Variants in CR1L observed in about 807,000 individuals in gnomAD.
CR1L encodes the protein complement component receptor 1-like protein.
A neutral mutation model predicts 62.3 loss-of-function variants in CR1L; 59 were observed. The observed-to-expected ratio is 0.95, with a 90% CI of 0.77 to 1.18. CR1L has a LOEUF of 1.18. Ranked by LOEUF, CR1L falls within the 50% of genes most tolerant of loss-of-function variation. The pLI is 0.00. For synonymous variants in CR1L, 279 were observed against 248.7 expected, an observed-to-expected ratio of 1.12 and a Z score of -1.15; for missense variants, 700 against 702.8, an observed-to-expected ratio of 1.00 and a Z score of 0.04.
chr1:207,685,431 T>G (rs914964417), intron 4 of CR1L, among the ~76,000 whole-genome samples: 1 of 152,252 alleles, frequency 6.6e-6, no homozygotes, highest in East Asian at 1.9e-4. Flanking sequence ...AAATCTCTTA[T>G]GCTTATACAA....
At chr1:207,708,362 A>G in intron 10 of CR1L, 99 bp downstream of exon 10, 1 of 1,445,244 alleles carries the variant, frequency 6.9e-7, no homozygotes, top group South Asian at 1.2e-5. Flanking sequence ...TGGAAATGGT[A>G]TCCTTCTGAT....
chr1:207,649,076 CT>C (rs1157281814), intron 1 of CR1L, among the ~76,000 whole-genome samples: 2 of 152,214 alleles, frequency 1.3e-5, no homozygotes, highest in South Asian at 4.2e-4. Context: ...TGATAATTAC[CT>C]GAGAGATCCA....
chr1:207,680,192 C>T (rs1444197810), intron 3 of CR1L, among the ~76,000 whole-genome samples: 1 of 152,164 alleles, frequency 6.6e-6, no homozygotes, highest in Non-Finnish European at 1.5e-5. Context: ...ATAGGGGAGG[C>T]TATCCATGTA....
chr1:207,700,017 AAAT>A (rs1664167174), intron 8 of CR1L, among the ~76,000 whole-genome samples: 1 of 152,188 alleles, frequency 6.6e-6, no homozygotes, highest in Admixed American at 6.5e-5. Flanking sequence ...AGAGATTCAT[AAAT>A]AATAAGTCAT....
chr1:207,702,512 G>A (rs1352059492), intron 9 of CR1L, among the ~76,000 whole-genome samples: 1 of 152,226 alleles, frequency 6.6e-6, no homozygotes, highest in Non-Finnish European at 1.5e-5. Flanking sequence ...TATGTTGAAA[G>A]CCAAGACAGG....
At chr1:207,680,174 TG>T (rs757108489) in intron 3 of CR1L, among the ~76,000 whole-genome samples, 2 of 152,224 alleles carry the variant, frequency 1.3e-5, no homozygotes, top group Non-Finnish European at 2.9e-5. Context: ...TGGTGAAAGA[TG>T]TTTATAATAG....
At chr1:207,717,756 C>T in intron 11 of CR1L, 65 bp downstream of exon 11, 1 of 1,560,376 alleles carries the variant, frequency 6.4e-7, no homozygotes, top group Non-Finnish European at 8.8e-7. Context: ...CTTCATATTT[C>T]TATAGTGACA....
chr1:207,672,583 A>C (rs1424986257), intron 1 of CR1L, among the ~76,000 whole-genome samples: 1 of 152,110 alleles, frequency 6.6e-6, no homozygotes, highest in Non-Finnish European at 1.5e-5. Context: ...TATAATTGAC[A>C]TATACAGACG....
intron 1 of CR1L, among the ~76,000 whole-genome samples, chr1:207,672,350 A>G (rs1663626926): frequency 6.7e-6 from 1 of 150,372 alleles, no homozygotes; most frequent in African/African-American, 2.5e-5. Flanking sequence ...TCTAATATGT[A>G]TCCATCTGAC....
At chr1:207,662,038 T>G (rs1050905750) in intron 1 of CR1L, among the ~76,000 whole-genome samples, 1 of 152,236 alleles carries the variant, frequency 6.6e-6, no homozygotes, top group Admixed American at 6.5e-5. Context: ...TGGGCGTCCC[T>G]TTGTGGGTAA....
At chr1:207,695,367 C>A (rs1276285592) in intron 5 of CR1L, among the ~76,000 whole-genome samples, 2 of 152,156 alleles carry the variant, frequency 1.3e-5, no homozygotes, top group East Asian at 1.9e-4. Flanking sequence ...TGAGCTGAAG[C>A]AATCCACCCA....
chr1:207,685,748 G>C (rs568511896), intron 4 of CR1L, among the ~76,000 whole-genome samples: 28 of 152,176 alleles, frequency 1.8e-4, no homozygotes, highest in African/African-American at 6.3e-4. Context: ...TTTTTCTCAA[G>C]CCTCCAGTAA....
rs149829330 is a variant in CR1L, at chr1:207,701,289, C to G, written c.1229-230C>G. 8.5e-3 allele frequency among the ~76,000 whole-genome samples: 1,289 copies of G among 152,256 alleles called. 29 individuals are homozygous for G. Among genetic ancestry groups the G allele is most frequent in the African/African-American group, 0.03 (1,233 of 41,532 alleles). The stretch of plus-strand genomic sequence containing the variant: ...TGATAAGGGATGCAAGGTCTCTACA[C>G]AGATCTAAATCTAGATCTAGATAGA... On this transcript the variant is annotated intron_variant, in intron 8 of 11. Transcript: ENST00000508064.
chr1:207,677,476 A>G lies in CR1L; in HGVS notation c.185A>G (p.Asn62Ser), dbSNP rs762973767. 5.0e-6 allele frequency: 8 copies of G among 1,613,950 alleles called. No homozygotes were observed. Among genetic ancestry groups the G allele is most frequent in the African/African-American group, 1.3e-5 (1 of 75,038 alleles). Residue 62 changes from asparagine (N) to serine (S), a missense_variant, in exon 2 of 12, where the codon AAC becomes AGC. Coordinates refer to ENST00000508064, the MANE Select transcript of CR1L (RefSeq NM_175710.2). The part of the protein sequence containing the change: ...DFEFPIGTYL[N>S]YECRPGYSGR... Reference sequence around the variant, plus strand: ...GAGTTTCCCATTGGGACATATCTGAACTATGAATGCCGCCCTGGTTATTCC... The same window carrying G: ...GAGTTTCCCATTGGGACATATCTGAGCTATGAATGCCGCCCTGGTTATTCC...
At chr1:207,657,139 A>G (rs1243629032) in intron 1 of CR1L, 19 of 803,990 alleles carry the variant, frequency 2.4e-5, no homozygotes, top group Non-Finnish European at 4.2e-5. Context: ...TGTGCACATG[A>G]CCTCCAAAAA....
At chr1:207,692,096 T>C (rs1343108603) in intron 4 of CR1L, among the ~76,000 whole-genome samples, 1 of 152,232 alleles carries the variant, frequency 6.6e-6, no homozygotes, top group East Asian at 1.9e-4. Flanking sequence ...ACTCGGTGAT[T>C]GGCATAAGAG....
chr1:207,701,753 T>G (rs1664196037), intron 9 of CR1L, 135 bp downstream of exon 9: 2 of 1,174,874 alleles, frequency 1.7e-6, no homozygotes, highest in Admixed American at 3.9e-5. Context: ...AACTCCTGAT[T>G]GAAATGAACA....
chr1:207,672,113 A>G (rs1663623458), intron 1 of CR1L, among the ~76,000 whole-genome samples: 1 of 150,762 alleles, frequency 6.6e-6, no homozygotes. Context: ...CAACAAACAA[A>G]ACTCAACTAT....
chr1:207,645,137 T>C lies in CR1L; in HGVS notation c.-97T>C, dbSNP rs1339949162. The C allele has an allele frequency of 8.6e-7, 1 of 1,160,828 alleles. No individual in the cohort carries two copies. Among genetic ancestry groups the C allele is most frequent in the Non-Finnish European group, 1.3e-6 (1 of 792,460 alleles). The allele number at this position is 1,160,828 out of a possible 1,614,324, so 71.9% of individuals were successfully genotyped here. ...GAAACTGTGAGTTTGGGGATTGTTG[T>C]GTCCACTAACCGGACTCAGAAGGGA... On this transcript the variant is annotated 5_prime_UTR_variant, in exon 1 of 12. Coordinates refer to ENST00000508064, the MANE Select transcript of CR1L (RefSeq NM_175710.2).
Sources: gnomAD v4.1 joint callset for allele counts (sites outside exome capture counted in the v4.1 genomes callset) on GRCh38, gnomAD v4.1.1 for gene constraint, MANE v1.5 for transcripts, NCBI Gene and HGNC (gene_info 2026-07-23, HGNC 2026-07-21) for gene names.